CAMK1D: variants seen among roughly 807,000 people sequenced by gnomAD.
CAMK1D encodes calcium/calmodulin dependent protein kinase ID.
A neutral mutation model predicts 47.7 loss-of-function variants in CAMK1D; 9 were observed. The observed-to-expected ratio is 0.19, with a 90% CI of 0.11 to 0.33. CAMK1D has a LOEUF of 0.33. CAMK1D is among the 10% of genes least tolerant of loss of function. The probability of loss-of-function intolerance (pLI) is 1.00; values close to 1 mark genes in which losing one functional copy is unlikely to be tolerated. For missense variants in CAMK1D, 291 were observed against 488.7 expected (o/e 0.60, Z 3.81); for synonymous variants, 184 against 184.9 (o/e 0.99, Z 0.04).
rs767211308 is a variant in CAMK1D at position 12,408,848 on chromosome 10, C to CTTTCT, written c.92+58941_92+58942insCTTTT. Among the ~76,000 whole-genome samples, 86 of 121,874 alleles carry CTTTCT rather than the reference C, an allele frequency of 7.1e-4. 1 individual carries two copies. Among genetic ancestry groups the CTTTCT allele is most frequent in the Non-Finnish European group, 1.0e-3 (63 of 60,538 alleles). The allele number at this position is 121,874 out of a possible 152,430, so 80.0% of individuals were successfully genotyped here. A position where few individuals can be genotyped will look rare whatever the true frequency, so the allele number is the denominator to read the frequency against. On this transcript the variant is annotated intron_variant, in intron 1 of 10. Transcript: ENST00000619168. ...TTTTCGTTCATTTCTTTCTTTCTTT[C>CTTTCT]TTTTTTTTTTTTTTTTTTGTTCTGA...
At chr10:12,469,032 A>T (rs977679972) in intron 1 of CAMK1D, among the ~76,000 whole-genome samples, 20 of 152,094 alleles carry the variant, frequency 1.3e-4, no homozygotes, top group African/African-American at 4.6e-4. Context: ...ATGGATGGAA[A>T]TCAAGTGAAC....
At chr10:12,380,478 G>T (rs1838306644) in intron 1 of CAMK1D, among the ~76,000 whole-genome samples, 1 of 152,140 alleles carries the variant, frequency 6.6e-6, no homozygotes, top group South Asian at 2.1e-4. Flanking sequence ...TAACATAATT[G>T]CACTTCAGTT....
At chr10:12,749,594 T>G (rs1835853827) in intron 3 of CAMK1D, among the ~76,000 whole-genome samples, 1 of 150,296 alleles carries the variant, frequency 6.7e-6, no homozygotes. Context: ...AGTCTCGCTC[T>G]GTCACCCAGG....
chr10:12,801,343 ATCTATCTATCTT>A (rs1292179207), intron 6 of CAMK1D, among the ~76,000 whole-genome samples: 4 of 116,660 alleles, frequency 3.4e-5, no homozygotes, highest in African/African-American at 1.7e-4. Context: ...CTATCTATCT[ATCTATCTATCTT>A]ATCTATCTAT....
At position 12,401,181 on chromosome 10, in the gene CAMK1D, TTATATATATATTTTA is replaced by T. The variant is rs367875322; in HGVS notation, c.92+51282_92+51296del. Among the ~76,000 whole-genome samples the T allele has an allele frequency of 2.2e-3, 106 of 48,758 alleles. 1 individual carries two copies. Among genetic ancestry groups the T allele is most frequent in the Middle Eastern group, 0.011 (1 of 94 alleles). The allele number at this position is 48,758 out of a possible 152,430, so 32.0% of individuals were successfully genotyped here. ...ATATATAATATATGTATTATATATA[TTATATATATATTTTA>T]TATATATATAATATATGTATTATAT... On this transcript the variant is annotated intron_variant, in intron 1 of 10. Transcript: ENST00000619168.
At chr10:12,727,765 G>GA (rs1834713054) in intron 3 of CAMK1D, among the ~76,000 whole-genome samples, 1 of 98,736 alleles carries the variant, frequency 1.0e-5, no homozygotes. Flanking sequence ...ATTAATCACA[G>GA]CCTTTTTTTT....
intron 1 of CAMK1D, among the ~76,000 whole-genome samples, chr10:12,552,229 G>C (rs1284137669): frequency 6.6e-6 from 1 of 152,212 alleles, no homozygotes; most frequent in Non-Finnish European, 1.5e-5. Flanking sequence ...TCTGGTTTTA[G>C]TTTGTTGCTC....
At chr10:12,623,127 T>TCTTCCCTCCCTCCCTCCCTC (rs1249875257) in intron 2 of CAMK1D, among the ~76,000 whole-genome samples, 4 of 53,058 alleles carry the variant, frequency 7.5e-5, no homozygotes, top group Admixed American at 2.0e-4. Context: ...CTTCTTTCCT[T>TCTTCCCTCCCTCCCTCCCTC]CCTCCCTCCC....
intron 3 of CAMK1D, among the ~76,000 whole-genome samples, chr10:12,695,256 A>T (rs771580237): frequency 6.6e-6 from 1 of 152,132 alleles, no homozygotes; most frequent in Non-Finnish European, 1.5e-5. Context: ...AATGACTTGG[A>T]GTTTCTTTTA....
At chr10:12,650,707 A>G (rs1047217981) in intron 2 of CAMK1D, among the ~76,000 whole-genome samples, 1 of 152,154 alleles carries the variant, frequency 6.6e-6, no homozygotes, top group Admixed American at 6.5e-5. Flanking sequence ...CAGCTGGAGC[A>G]TCCTTGTGCC....
rs1833430525 is a variant in CAMK1D at position 12,832,246 on chromosome 10, CAGTG to C, written c.*3362_*3365del. ...AGGAGTTTCTATTCATTGAGACAAA[CAGTG>C]AGCGGGCACCAACAGGCCAGCAGCT... is the stretch of plus-strand genomic sequence containing the variant. On this transcript the variant is annotated 3_prime_UTR_variant, in exon 11 of 11. Coordinates refer to ENST00000619168, the MANE Select transcript of CAMK1D (RefSeq NM_153498.4). The C allele has an allele frequency of 6.6e-6, 1 of 152,314 alleles. No individual in the cohort carries two copies. Among genetic ancestry groups the C allele is most frequent in the African/African-American group, 2.4e-5 (1 of 41,470 alleles). 9.4% of individuals were successfully genotyped at this position (152,314 alleles called of 1,614,324 possible). A position where few individuals can be genotyped will look rare whatever the true frequency, so the allele number is the denominator to read the frequency against.
At chr10:12,485,193 C>T (rs973586000) in intron 1 of CAMK1D, among the ~76,000 whole-genome samples, 1 of 152,156 alleles carries the variant, frequency 6.6e-6, no homozygotes, top group African/African-American at 2.4e-5. Flanking sequence ...TTTTAGCGAA[C>T]ATGGCTAAGG....
At chr10:12,427,700 G>GTTTTTTTTTTTGTTT (rs1840286392) in intron 1 of CAMK1D, among the ~76,000 whole-genome samples, 1 of 31,032 alleles carries the variant, frequency 3.2e-5, no homozygotes, top group Non-Finnish European at 6.2e-5. Context: ...TGAACTTACT[G>GTTTTTTTTTTTGTTT]TTTTTTTTTT....
At chr10:12,557,088 T>C (rs1836785631) in intron 2 of CAMK1D, among the ~76,000 whole-genome samples, 2 of 152,078 alleles carry the variant, frequency 1.3e-5, no homozygotes, top group South Asian at 4.1e-4. Flanking sequence ...CCCCATTCAC[T>C]GAGAACAGAA....
chr10:12,574,187 G>A (rs1837417801), intron 2 of CAMK1D, among the ~76,000 whole-genome samples: 1 of 152,064 alleles, frequency 6.6e-6, no homozygotes, highest in Non-Finnish European at 1.5e-5. Context: ...TGAAACACTG[G>A]GCCCTGTTGA....
chr10:12,509,705 G>T (rs962975980), intron 1 of CAMK1D, among the ~76,000 whole-genome samples: 3 of 152,118 alleles, frequency 2.0e-5, no homozygotes, highest in African/African-American at 7.2e-5. Context: ...GAGCCATAAG[G>T]GCACCACTGC....
At chr10:12,394,637 C>T (rs1838871131) in intron 1 of CAMK1D, among the ~76,000 whole-genome samples, 1 of 152,122 alleles carries the variant, frequency 6.6e-6, no homozygotes, top group East Asian at 1.9e-4. Flanking sequence ...CTTACCCTGC[C>T]ACACCTGGGA....
Position 12,829,043 on chromosome 10 carries a change from T to C in CAMK1D, c.*156T>C. On this transcript the variant is annotated 3_prime_UTR_variant, in exon 11 of 11. Transcript: ENST00000619168. ...GTTTTTTTATGGCCATATTTTCTACTGCAATTCTGAAGTGTTCATTTCTCA... is the reference window on the plus strand; with the variant it reads ...GTTTTTTTATGGCCATATTTTCTACCGCAATTCTGAAGTGTTCATTTCTCA... 1.7e-6 allele frequency: 1 copy of C among 582,804 alleles called. No individual in the cohort carries two copies. The highest frequency in any genetic ancestry group is 2.1e-5 in the South Asian group (1 of 48,124). The allele number at this position is 582,804 out of a possible 1,614,324, so 36.1% of individuals were successfully genotyped here.
intron 3 of CAMK1D, among the ~76,000 whole-genome samples, chr10:12,759,475 G>A (rs1836397112): frequency 6.6e-6 from 1 of 152,196 alleles, no homozygotes; most frequent in Admixed American, 6.5e-5. Context: ...CTTGTTGGGG[G>A]AAGGTTCTTG....
Sources: allele counts gnomAD v4.1 joint callset (sites outside exome capture counted in the v4.1 genomes callset), GRCh38; gene constraint gnomAD v4.1.1; transcripts MANE v1.5; gene names NCBI Gene and HGNC (gene_info 2026-07-23, HGNC 2026-07-21).